The following BANK1 variants were observed in gnomAD, a reference collection of about 807,000 sequenced individuals.
The protein encoded by BANK1 is B-cell scaffold protein with ankyrin repeats.
A neutral mutation model predicts 94.5 loss-of-function variants in BANK1; 95 were observed. The observed-to-expected ratio is 1.00, with a 90% CI of 0.85 to 1.19. BANK1 has a LOEUF of 1.19. Ranked by LOEUF, BANK1 falls within the 50% of genes most tolerant of loss-of-function variation. BANK1 has a pLI of 0.00. For synonymous variants in BANK1, 334 were observed against 308.4 expected (o/e 1.08, Z -0.87); for missense variants, 987 against 932.2 (o/e 1.06, Z -0.77).
chr4:102,065,012 A>G (rs1388490860), intron 13 of BANK1, among the ~76,000 whole-genome samples: 1 of 152,206 alleles, frequency 6.6e-6, no homozygotes, highest in East Asian at 1.9e-4. Context: ...GATGAGCTGT[A>G]CATGTGTAAA....
At chr4:102,033,758 T>C (rs912373511) in intron 10 of BANK1, among the ~76,000 whole-genome samples, 1 of 152,216 alleles carries the variant, frequency 6.6e-6, no homozygotes, top group East Asian at 1.9e-4. Flanking sequence ...TGCTATAATT[T>C]TTTTTGGCAA....
At chr4:102,009,209 G>A (rs1248664836) in intron 7 of BANK1, among the ~76,000 whole-genome samples, 1 of 152,234 alleles carries the variant, frequency 6.6e-6, no homozygotes, top group Non-Finnish European at 1.5e-5. Flanking sequence ...CCTGGCTCCT[G>A]CTGCCCAACT....
intron 5 of BANK1, among the ~76,000 whole-genome samples, chr4:101,883,432 G>C (rs77484640): frequency 0.012 from 1,803 of 152,136 alleles, 39 homozygotes; most frequent in African/African-American, 0.041. Flanking sequence ...TATTTTCATA[G>C]TTATTGCCCC....
intron 7 of BANK1, among the ~76,000 whole-genome samples, chr4:101,942,706 A>G (rs987827230): frequency 1.3e-5 from 2 of 152,042 alleles, no homozygotes; most frequent in Non-Finnish European, 2.9e-5. Context: ...AGCTAATTCC[A>G]TGCACAGAAA....
chr4:101,801,897 T>C (rs937782799), intron 1 of BANK1, among the ~76,000 whole-genome samples: 6 of 152,258 alleles, frequency 3.9e-5, no homozygotes, highest in Non-Finnish European at 7.3e-5. Context: ...GTGTCAAATA[T>C]ACTTTTCTTT....
Position 101,918,307 on chromosome 4 carries a change from A to G in BANK1, c.1206+118A>G, listed in dbSNP as rs533814933. The G allele has an allele frequency of 3.0e-4, 164 of 537,986 alleles. 3 individuals carry two copies. The South Asian group carries it at 9.3e-3, about 31-fold the overall frequency. The allele number at this position is 537,986 out of a possible 1,614,324, so 33.3% of individuals were successfully genotyped here. ...TCTTTAAGACTCTAGTTAAGGCACT[A>G]TTAGGCACATGAAAACATATCAATA... is the stretch of plus-strand genomic sequence containing the variant. On this transcript the variant is annotated intron_variant, in intron 7 of 16. Transcript: ENST00000322953.
intron 5 of BANK1, among the ~76,000 whole-genome samples, chr4:101,883,724 A>T (rs965292847): frequency 6.6e-6 from 1 of 152,208 alleles, no homozygotes; most frequent in African/African-American, 2.4e-5. Context: ...TAGAGGATTC[A>T]TGTCTTAAAC....
intron 5 of BANK1, among the ~76,000 whole-genome samples, chr4:101,883,917 C>T (rs551101309): frequency 3.3e-5 from 5 of 152,178 alleles, no homozygotes; most frequent in Middle Eastern, 3.4e-3. Flanking sequence ...GAAAAATTCC[C>T]GGGCCAAAAA....
chr4:102,007,146 TTA>T (rs376933355), intron 7 of BANK1, among the ~76,000 whole-genome samples: 2,132 of 37,998 alleles, frequency 0.056, 140 homozygotes, highest in African/African-American at 0.13. Flanking sequence ...AAAATATATT[TTA>T]TATATATATA....
intron 7 of BANK1, among the ~76,000 whole-genome samples, chr4:101,924,995 A>AT (rs1240012385): frequency 1.3e-5 from 2 of 151,654 alleles, no homozygotes; most frequent in East Asian, 1.9e-4. Context: ...ATTGTTAAAA[A>AT]TTTTTCTGAG....
intron 16 of BANK1, 57 bp from the exon 17 acceptor site, chr4:102,073,948 C>A (rs1366307808): frequency 7.3e-6 from 3 of 412,798 alleles, no homozygotes; most frequent in Non-Finnish European, 1.3e-5. Flanking sequence ...GCCAATTAAT[C>A]AATTTAAATT....
At chr4:101,859,517 T>C (rs1430791477) in intron 3 of BANK1, among the ~76,000 whole-genome samples, 1 of 152,276 alleles carries the variant, frequency 6.6e-6, no homozygotes, top group Non-Finnish European at 1.5e-5. Flanking sequence ...CTGACCTAAA[T>C]AAGGGATTCA....
intron 2 of BANK1, among the ~76,000 whole-genome samples, chr4:101,832,363 T>C (rs1250696317): frequency 6.6e-6 from 1 of 152,234 alleles, no homozygotes; most frequent in Non-Finnish European, 1.5e-5. Flanking sequence ...TTTTATTTCA[T>C]GAAGAATTTC....
At chr4:101,804,812 G>A (rs566488882) in intron 1 of BANK1, among the ~76,000 whole-genome samples, 7 of 152,204 alleles carry the variant, frequency 4.6e-5, no homozygotes, top group Non-Finnish European at 8.8e-5. Context: ...TATGTTATTG[G>A]TAAAGCTTCT....
At chr4:101,936,140 A>G (rs138551791) in intron 7 of BANK1, among the ~76,000 whole-genome samples, 94 of 151,250 alleles carry the variant, frequency 6.2e-4, no homozygotes, top group African/African-American at 2.2e-3. Flanking sequence ...AATATTTGCA[A>G]ACTGCTCATC....
intron 10 of BANK1, among the ~76,000 whole-genome samples, chr4:102,032,649 G>A (rs1343008901): frequency 2.0e-5 from 3 of 152,108 alleles, no homozygotes; most frequent in Admixed American, 1.3e-4. Flanking sequence ...TTGGGAGGCC[G>A]AGGCAGGTGG....
At chr4:101,903,277 A>G (rs909890001) in intron 6 of BANK1, among the ~76,000 whole-genome samples, 2 of 152,234 alleles carry the variant, frequency 1.3e-5, no homozygotes, top group Non-Finnish European at 2.9e-5. Context: ...GAATACCCAC[A>G]AAGTCAGCTA....
intron 7 of BANK1, among the ~76,000 whole-genome samples, chr4:101,968,379 A>T (rs188546157): frequency 9.2e-5 from 14 of 152,244 alleles, no homozygotes; most frequent in African/African-American, 3.1e-4. Flanking sequence ...GATAAAGAAC[A>T]TTGTGATATG....
At chr4:102,029,936 A>G (rs1182558184) in intron 9 of BANK1, 24 bp from the exon 10 acceptor site, 1 of 1,571,686 alleles carries the variant, frequency 6.4e-7, no homozygotes, top group Non-Finnish European at 8.6e-7. Context: ...AAGAGTAAAC[A>G]CCATGTAAAT....
Sources: gnomAD v4.1 joint callset for allele counts (sites outside exome capture counted in the v4.1 genomes callset) on GRCh38, gnomAD v4.1.1 for gene constraint, MANE v1.5 for transcripts, NCBI Gene and HGNC (gene_info 2026-07-23, HGNC 2026-07-21) for gene names.